Variants in ADAMTSL1 observed in about 807,000 individuals in gnomAD.
ADAMTSL1 encodes ADAMTS like 1.
Under a neutral mutation model 201.8 loss-of-function variants are expected in ADAMTSL1, and 126 were observed. The observed-to-expected ratio is 0.62, with a 90% CI of 0.54 to 0.72. The LOEUF (loss-of-function observed/expected upper bound fraction) is 0.72, where lower values mean the gene tolerates loss of function less well. ADAMTSL1 is among the 30% of genes least tolerant of loss of function. ADAMTSL1 has a pLI of 0.00. For missense variants in ADAMTSL1, 2,679 were observed against 2,277.8 expected, an observed-to-expected ratio of 1.18 and a Z score of -3.59; for synonymous variants, 1,121 against 903.4, an observed-to-expected ratio of 1.24 and a Z score of -4.32.
intron 23 of ADAMTSL1, among the ~76,000 whole-genome samples, chr9:18,852,734 C>T (rs78663387): frequency 0.011 from 1,681 of 152,256 alleles, 39 homozygotes; most frequent in African/African-American, 0.038. Context: ...ACCACATAAC[C>T]TTAATGAGTC....
intron 2 of ADAMTSL1, among the ~76,000 whole-genome samples, chr9:18,196,725 C>T (rs1829197658): frequency 6.6e-6 from 1 of 152,114 alleles, no homozygotes; most frequent in Admixed American, 6.6e-5. Flanking sequence ...TCTCCATTCT[C>T]ATCTCACACC....
intron 1 of ADAMTSL1, among the ~76,000 whole-genome samples, chr9:17,949,538 C>G (rs997352592): frequency 2.6e-5 from 4 of 152,110 alleles, no homozygotes; most frequent in African/African-American, 9.7e-5. Flanking sequence ...TTTTATTAAT[C>G]AAATTATTTT....
intron 1 of ADAMTSL1, among the ~76,000 whole-genome samples, chr9:18,127,921 T>G (rs185667866): frequency 1.1e-4 from 16 of 152,238 alleles, no homozygotes; most frequent in Non-Finnish European, 1.9e-4. Flanking sequence ...GCATGTAGCA[T>G]GTTAAGATAG....
intron 15 of ADAMTSL1, among the ~76,000 whole-genome samples, chr9:18,732,336 A>C (rs1818262454): frequency 6.6e-6 from 1 of 152,232 alleles, no homozygotes; most frequent in Non-Finnish European, 1.5e-5. Context: ...GCAGTTAGAC[A>C]ACAGGAAGCA....
chr9:18,411,660 A>G (rs1818449937), intron 2 of ADAMTSL1, among the ~76,000 whole-genome samples: 1 of 152,254 alleles, frequency 6.6e-6, no homozygotes, highest in Non-Finnish European at 1.5e-5. Context: ...GCCTTAAAAA[A>G]TATCAGTATT....
intron 4 of ADAMTSL1, among the ~76,000 whole-genome samples, chr9:18,593,056 A>G (rs1451051254): frequency 6.6e-6 from 1 of 152,164 alleles, no homozygotes; most frequent in East Asian, 1.9e-4. Context: ...TGATTTTTAT[A>G]CATTAATTTT....
Position 18,414,729 on chromosome 9 carries a change from A to G in ADAMTSL1, c.208-90100A>G, listed in dbSNP as rs77176654. On this transcript the variant is annotated intron_variant, in intron 2 of 29. Transcript: ENST00000680146. The stretch of plus-strand genomic sequence containing the variant: ...GATAGAGGCTGTACAACAGAGTACC[A>G]ACAAGGAGATAATTATACAAAGAAA... Among the ~76,000 whole-genome samples the G allele has an allele frequency of 3.0e-4, 46 of 152,346 alleles. No homozygotes were observed. In the East Asian group the frequency reaches 5.6e-3, roughly 19 times the overall value.
intron 4 of ADAMTSL1, among the ~76,000 whole-genome samples, chr9:18,586,715 C>A (rs1274557665): frequency 1.3e-5 from 2 of 152,220 alleles, no homozygotes; most frequent in Admixed American, 6.5e-5. Context: ...ACTACAGTGA[C>A]CAAAACAGCA....
intron 2 of ADAMTSL1, among the ~76,000 whole-genome samples, chr9:18,465,736 TTTTTG>T (rs60866155): frequency 6.1e-4 from 92 of 150,946 alleles, no homozygotes; most frequent in African/African-American, 1.8e-3. Context: ...CACAGGTATC[TTTTTG>T]TTTTGTTTTG....
intron 2 of ADAMTSL1, among the ~76,000 whole-genome samples, chr9:18,458,815 T>C (rs1820704061): frequency 6.6e-6 from 1 of 152,168 alleles, no homozygotes; most frequent in African/African-American, 2.4e-5. Context: ...GTCATGAAAT[T>C]CTAGAGCTTG....
chr9:18,509,066 C>T (rs1817857353), intron 2 of ADAMTSL1, among the ~76,000 whole-genome samples: 1 of 130,924 alleles, frequency 7.6e-6, no homozygotes, highest in Non-Finnish European at 1.6e-5. Flanking sequence ...CGCCTGTAGT[C>T]CCAGCTACTC....
chr9:18,897,818 TCTC>T (rs1221150608), intron 26 of ADAMTSL1, among the ~76,000 whole-genome samples: 1 of 151,982 alleles, frequency 6.6e-6, no homozygotes, highest in Non-Finnish European at 1.5e-5. Context: ...ATCCAACACT[TCTC>T]CTGCAAGGGC....
intron 15 of ADAMTSL1, among the ~76,000 whole-genome samples, chr9:18,735,416 G>A (rs989463849): frequency 3.9e-5 from 6 of 152,192 alleles, no homozygotes; most frequent in Non-Finnish European, 7.3e-5. Flanking sequence ...CTTGCCACAT[G>A]AGATATTTCA....
intron 1 of ADAMTSL1, among the ~76,000 whole-genome samples, chr9:18,151,589 C>T (rs954470715): frequency 6.6e-6 from 1 of 151,682 alleles, no homozygotes; most frequent in African/African-American, 2.4e-5. Context: ...TCATTGTATT[C>T]AACAAACACA....
chr9:18,879,604 A>G (rs766780695), intron 23 of ADAMTSL1, among the ~76,000 whole-genome samples: 14 of 152,162 alleles, frequency 9.2e-5, no homozygotes. Flanking sequence ...ACACCAATAC[A>G]TCTAAAAGAA....
chr9:18,405,006 G>T (rs535787937), intron 2 of ADAMTSL1, among the ~76,000 whole-genome samples: 1 of 152,172 alleles, frequency 6.6e-6, no homozygotes, highest in Non-Finnish European at 1.5e-5. Context: ...GACTAGACTT[G>T]CCTTGAATCT....
intron 1 of ADAMTSL1, among the ~76,000 whole-genome samples, chr9:18,146,198 A>G (rs558642191): frequency 6.6e-6 from 1 of 152,304 alleles, no homozygotes; most frequent in South Asian, 2.1e-4. Flanking sequence ...TAGTCTTACC[A>G]TATTTACATA....
chr9:18,237,475 G>T (rs1167810799), intron 2 of ADAMTSL1, among the ~76,000 whole-genome samples: 1 of 152,148 alleles, frequency 6.6e-6, no homozygotes, highest in East Asian at 1.9e-4. Context: ...GGCATTTTGA[G>T]AAGTGTTTTT....
intron 1 of ADAMTSL1, among the ~76,000 whole-genome samples, chr9:18,501,318 T>A (rs1224323528): frequency 1.3e-5 from 2 of 151,802 alleles, no homozygotes; most frequent in African/African-American, 4.8e-5. Context: ...CAAGACCAGC[T>A]TGGGCAACAT....
Sources: gnomAD v4.1 joint callset for allele counts (sites outside exome capture counted in the v4.1 genomes callset) on GRCh38, gnomAD v4.1.1 for gene constraint, MANE v1.5 for transcripts, NCBI Gene and HGNC (gene_info 2026-07-23, HGNC 2026-07-21) for gene names.